The following ZNF395 variants were observed in gnomAD, a reference collection of about 807,000 sequenced individuals.
ZNF395 encodes the protein HD gene regulatory region-binding protein 2.
In ZNF395, 20 loss-of-function variants were observed where a neutral mutation model predicts 57.7. That is an observed-to-expected ratio of 0.35 (90% confidence interval 0.24 to 0.50). The LOEUF is 0.50. Ranked by LOEUF, ZNF395 falls within the 20% of genes least tolerant of loss-of-function variation. The probability of loss-of-function intolerance (pLI) is 0.97; values close to 1 mark genes in which losing one functional copy is unlikely to be tolerated. For missense variants in ZNF395, 606 were observed against 671.2 expected (o/e 0.90, Z 1.07); for synonymous variants, 295 against 275.9 (o/e 1.07, Z -0.69).
intron 1 of ZNF395, among the ~76,000 whole-genome samples, chr8:28,384,884 C>A (rs1360506748): frequency 6.6e-6 from 1 of 152,224 alleles, no homozygotes; most frequent in African/African-American, 2.4e-5. Flanking sequence ...AGCCTGGGGT[C>A]TCTTCGGTGC....
At chr8:28,375,762 T>A (rs1390682498) in intron 1 of ZNF395, among the ~76,000 whole-genome samples, 1 of 152,108 alleles carries the variant, frequency 6.6e-6, no homozygotes, top group South Asian at 2.1e-4. Flanking sequence ...TAAAAATAGA[T>A]AACAAGATTA....
Position 28,361,016 on chromosome 8 carries a change from G to T in ZNF395, c.109C>A (p.Leu37Met), listed in dbSNP as rs773715150. Residue 37 changes from leucine to methionine, a missense_variant, in exon 2 of 10, where the codon CTG (leucine) becomes ATG (methionine). Around this residue, in one of 3 missense-constraint regions of ZNF395, gnomAD observed 309 missense variants for 374.7 expected, o/e 0.82. Transcript: ENST00000344423. Reference protein sequence around the residue: ...GPSAAPPSEPLLEGAAPQPFT... With the variant: ...GPSAAPPSEPMLEGAAPQPFT... ...GGCTGGGGAGCGGCCCCTTCTAGCA[G>T]TGGCTCCGAGGGTGGGGCAGCCGAG... The T allele has an allele frequency of 9.9e-6, 16 of 1,610,796 alleles. 1 individual carries two copies. The Admixed American group carries it at 2.7e-4, about 27-fold the overall frequency.
At chr8:28,350,610 C>T (rs1233712214) in intron 7 of ZNF395, among the ~76,000 whole-genome samples, 1 of 152,212 alleles carries the variant, frequency 6.6e-6, no homozygotes, top group Admixed American at 6.5e-5. Context: ...TTTGTGAAAA[C>T]ACCAGCTACA....
At position 28,349,334 on chromosome 8, in the gene ZNF395, C is replaced by T. The variant is rs902761028; in HGVS notation, c.1327-106G>A. 8.8e-6 allele frequency: 7 copies of T among 791,286 alleles called. No homozygotes were observed. In the African/African-American group the frequency reaches 8.9e-5, roughly 10 times the overall value. 49.0% of individuals were successfully genotyped at this position (791,286 alleles called of 1,614,324 possible). ...CGTCCCCAGCTCCTGGTGCAGAAGG[C>T]CTCGCACCTTCTCAGGGAGAACACT... On this transcript the variant is annotated intron_variant, in intron 8 of 9. Transcript: ENST00000344423.
chr8:28,354,112 G>A (rs1329804564), intron 4 of ZNF395, among the ~76,000 whole-genome samples: 1 of 152,196 alleles, frequency 6.6e-6, no homozygotes, highest in Admixed American at 6.5e-5. Context: ...GACAAGCTCT[G>A]CGAGCAATTC....
chr8:28,384,214 T>C lies in ZNF395; in HGVS notation c.-59+2179A>G, dbSNP rs149797917. On this transcript the variant is annotated intron_variant, in intron 1 of 9. Coordinates refer to ENST00000344423, the MANE Select transcript of ZNF395 (RefSeq NM_018660.3). ...CACTCAAAAACCCTGAATGTCTCCT[T>C]AGGACACACAGGGTGGCATGCAATC... Among the ~76,000 whole-genome samples, 1,049 of 152,300 alleles carry C rather than the reference T, an allele frequency of 6.9e-3. 8 individuals carry two copies. Among genetic ancestry groups the C allele is most frequent in the Admixed American group, 0.011 (168 of 15,296 alleles).
In ZNF395 at chr8:28,348,418, G is replaced by T; in HGVS notation, c.*301C>A. The T allele has an allele frequency of 2.6e-6, 1 of 384,114 alleles. No homozygotes were observed. Among genetic ancestry groups the T allele is most frequent in the Non-Finnish European group, 5.0e-6 (1 of 201,696 alleles). 23.8% of individuals were successfully genotyped at this position (384,114 alleles called of 1,614,324 possible). A position where few individuals can be genotyped will look rare whatever the true frequency, so the allele number is the denominator to read the frequency against. ...CGCACAAGCTAATCCCCTAGAGAGT[G>T]GGGATGTGGGAAACGGAGGGTAATT... is the stretch of plus-strand genomic sequence containing the variant. On this transcript the variant is annotated 3_prime_UTR_variant, in exon 10 of 10. Transcript: ENST00000344423.
Position 28,384,765 on chromosome 8 carries a change from T to C in ZNF395, c.-59+1628A>G, listed in dbSNP as rs547868726. ...GTCCCTTCCCCAATCTCGTTTTTCC[T>C]TTATCTGATATACTCCCTCTCCAGC... On this transcript the variant is annotated intron_variant, in intron 1 of 9. Transcript: ENST00000344423. Among the ~76,000 whole-genome samples, 7 of 152,372 alleles carry C rather than the reference T, an allele frequency of 4.6e-5. No individual in the cohort carries two copies. The East Asian group carries it at 1.2e-3, about 25-fold the overall frequency.
chr8:28,356,831 A>G lies in ZNF395; in HGVS notation c.474-52T>C. On this transcript the variant is annotated intron_variant, in intron 3 of 9. Transcript: ENST00000344423. This position sits in a 1 kb window ranked among gnomAD's most constrained non-coding sequence, Gnocchi z 4.0. ...TGTTACTTCCTGGCATGGCGGGCCC[A>G]TGGTCCTTGCAAAACGAGACACCAC... 5 of 1,459,888 alleles carry G rather than the reference A, an allele frequency of 3.4e-6. No homozygotes were observed. The highest frequency in any genetic ancestry group is 3.8e-6 in the Non-Finnish European group (4 of 1,064,866). The allele number at this position is 1,459,888 out of a possible 1,614,324, so 90.4% of individuals were successfully genotyped here.
At chr8:28,384,268 C>G (rs1267010054) in intron 1 of ZNF395, among the ~76,000 whole-genome samples, 1 of 152,206 alleles carries the variant, frequency 6.6e-6, no homozygotes, top group Non-Finnish European at 1.5e-5. Context: ...TTCACAATCT[C>G]AACCATTGTT....
chr8:28,380,504 T>G (rs1802096443), intron 1 of ZNF395, among the ~76,000 whole-genome samples: 1 of 152,192 alleles, frequency 6.6e-6, no homozygotes, highest in Admixed American at 6.5e-5. Context: ...AGGCCAAGAA[T>G]AGAACCCTAC....
chr8:28,359,465 T>C lies in ZNF395; in HGVS notation c.473+127A>G. 3.0e-6 allele frequency: 4 copies of C among 1,328,268 alleles called. No homozygotes were observed. The highest frequency in any genetic ancestry group is 4.1e-6 in the Non-Finnish European group (4 of 985,464). The allele number at this position is 1,328,268 out of a possible 1,614,324, so 82.3% of individuals were successfully genotyped here. On this transcript the variant is annotated intron_variant, in intron 3 of 9. Transcript: ENST00000344423. The surrounding 1 kb of genome is among the most constrained non-coding windows in gnomAD (Gnocchi z 4.7). ...AAGATTCCCCTTTTCTGTGTCCCAT[T>C]TGTCCCAATATCTTGGCACCCAGAT...
At chr8:28,366,953 A>T (rs750369351) in intron 1 of ZNF395, among the ~76,000 whole-genome samples, 22 of 152,212 alleles carry the variant, frequency 1.4e-4, no homozygotes, top group Non-Finnish European at 2.2e-4. Flanking sequence ...TAAAACTTCT[A>T]GCTCTCTGGA....
At chr8:28,376,349 G>A (rs914079133) in intron 1 of ZNF395, among the ~76,000 whole-genome samples, 38 of 151,962 alleles carry the variant, frequency 2.5e-4, no homozygotes, top group African/African-American at 8.7e-4. Flanking sequence ...AAAAAAGGCC[G>A]GGCTCACGCC....
chr8:28,352,765 C>T lies in ZNF395; in HGVS notation c.820-92G>A. 1.9e-6 allele frequency: 2 copies of T among 1,077,388 alleles called. No individual in the cohort carries two copies. The highest frequency in any genetic ancestry group is 4.8e-5 in the East Asian group (2 of 41,640). The allele number at this position is 1,077,388 out of a possible 1,614,324, so 66.7% of individuals were successfully genotyped here. On this transcript the variant is annotated intron_variant, in intron 5 of 9. Coordinates refer to ENST00000344423, the MANE Select transcript of ZNF395 (RefSeq NM_018660.3). This position sits in a 1 kb window ranked among gnomAD's most constrained non-coding sequence, Gnocchi z 4.0. ...GTGGGGACTCAAACTGGCTGCTGTCCCCGGCCTGACCCAACAAAAACCTCC... is the reference window on the plus strand; with the variant it reads ...GTGGGGACTCAAACTGGCTGCTGTCTCCGGCCTGACCCAACAAAAACCTCC...
In ZNF395 at chr8:28,347,207, C is replaced by G. The variant is rs1427601467; in HGVS notation, c.*1512G>C. The G allele has an allele frequency of 1.3e-5, 2 of 152,188 alleles. No homozygotes were observed. Among genetic ancestry groups the G allele is most frequent in the African/African-American group, 4.8e-5 (2 of 41,422 alleles). The allele number at this position is 152,188 out of a possible 1,614,324, so 9.4% of individuals were successfully genotyped here. On this transcript the variant is annotated 3_prime_UTR_variant, in exon 10 of 10. Coordinates refer to ENST00000344423, the MANE Select transcript of ZNF395 (RefSeq NM_018660.3). Reference sequence around the variant, plus strand: ...CTGGGAGGGCGGCCTCGATGACAACCAAGGGGTGGATGCTGACACTCCATC... The same window carrying G: ...CTGGGAGGGCGGCCTCGATGACAACGAAGGGGTGGATGCTGACACTCCATC...
At position 28,359,917 on chromosome 8, in the gene ZNF395, C is replaced by A. The variant is rs1801828773; in HGVS notation, c.241-93G>T. ...CCCACGTCCCAGGAGCCAGGATCTG[C>A]CTGCCACAAACCATGTTCTCTGCCT... On this transcript the variant is annotated intron_variant, in intron 2 of 9. Transcript: ENST00000344423. The surrounding 1 kb of genome is among the most constrained non-coding windows in gnomAD (Gnocchi z 4.7). 7 of 1,502,890 alleles carry A rather than the reference C, an allele frequency of 4.7e-6. No homozygotes were observed. The highest frequency in any genetic ancestry group is 5.4e-6 in the Non-Finnish European group (6 of 1,120,966). 93.1% of individuals were successfully genotyped at this position (1,502,890 alleles called of 1,614,324 possible).
At chr8:28,364,265 T>A (rs754053616) in intron 1 of ZNF395, among the ~76,000 whole-genome samples, 1 of 152,164 alleles carries the variant, frequency 6.6e-6, no homozygotes, top group East Asian at 1.9e-4. Flanking sequence ...ATGATTCTAG[T>A]AGGTGTGGGA....
At chr8:28,373,274 T>G (rs2129983496) in intron 1 of ZNF395, among the ~76,000 whole-genome samples, 1 of 152,282 alleles carries the variant, frequency 6.6e-6, no homozygotes, top group East Asian at 1.9e-4. Context: ...GCACAGCCAC[T>G]CCCTCCCTTG....
Sources: allele counts gnomAD v4.1 joint callset (sites outside exome capture counted in the v4.1 genomes callset), GRCh38; gene constraint gnomAD v4.1.1; regional missense constraint gnomAD v4.1.1; non-coding constraint Gnocchi (gnomAD v3.1); transcripts MANE v1.5; gene names NCBI Gene and HGNC (gene_info 2026-07-23, HGNC 2026-07-21).